The following PHACTR2 variants were observed in gnomAD, a reference collection of about 807,000 sequenced individuals.
PHACTR2 encodes phosphatase and actin regulator 2, also known as chromosome 6 open reading frame 56.
PHACTR2 carries 30 observed loss-of-function variants against 76.0 expected under a neutral mutation model. The observed-to-expected ratio is 0.39, with a 90% CI of 0.30 to 0.54. The LOEUF is 0.54. Among genes scored for constraint, PHACTR2 ranks in the 20% least tolerant of loss-of-function variants. PHACTR2 has a pLI of 0.61. For synonymous variants in PHACTR2, 292 were observed against 292.5 expected (o/e 1.00, Z 0.02); for missense variants, 696 against 781.1 (o/e 0.89, Z 1.30).
rs1777469457 is a variant in PHACTR2, at chr6:143,684,506, C to T, written c.46+6297C>T. Among the ~76,000 whole-genome samples the T allele has an allele frequency of 6.6e-6, 1 of 152,162 alleles. No individual in the cohort carries two copies. Among genetic ancestry groups the T allele is most frequent in the African/African-American group, 2.4e-5 (1 of 41,442 alleles). On this transcript the variant is annotated intron_variant, in intron 1 of 12. Coordinates refer to ENST00000440869, the MANE Select transcript of PHACTR2 (RefSeq NM_001100164.2). This position sits in a 1 kb window ranked among gnomAD's most constrained non-coding sequence, Gnocchi z 4.3. Reference sequence around the variant, plus strand: ...ACATGGACAACTATAAACTACATGTCCTAATGACATATTAGCAGTAGAGTT... The same window carrying T: ...ACATGGACAACTATAAACTACATGTTCTAATGACATATTAGCAGTAGAGTT...
intron 1 of PHACTR2, among the ~76,000 whole-genome samples, chr6:143,643,192 T>A (rs1776597165): frequency 6.6e-6 from 1 of 152,132 alleles, no homozygotes; most frequent in African/African-American, 2.4e-5. Context: ...AAATGGGTCT[T>A]TTTTTTGCAA....
intron 2 of PHACTR2, among the ~76,000 whole-genome samples, chr6:143,728,759 G>A (rs1048895941): frequency 6.6e-6 from 1 of 152,034 alleles, no homozygotes; most frequent in Non-Finnish European, 1.5e-5. Context: ...TCAATAAATG[G>A]TGCTGGAAAA....
rs1562285696 is a variant in PHACTR2, at chr6:143,731,291, T to A, written c.215-17694T>A. 6.6e-6 allele frequency among the ~76,000 whole-genome samples: 1 copy of A among 151,390 alleles called. No individual in the cohort carries two copies. Among genetic ancestry groups the A allele is most frequent in the Non-Finnish European group, 1.5e-5 (1 of 67,788 alleles). ...ATAAGTCCCACTGTGTTGTTTTGTT[T>A]TGTTTTGTTTTTTGAGACGGAGTTT... On this transcript the variant is annotated intron_variant, in intron 2 of 12. Coordinates refer to ENST00000440869, the MANE Select transcript of PHACTR2 (RefSeq NM_001100164.2). This position sits in a 1 kb window ranked among gnomAD's most constrained non-coding sequence, Gnocchi z 4.9.
rs928517756 is a variant in PHACTR2 at position 143,598,977 on chromosome 6, C to T, written c.217+61770C>T. Among the ~76,000 whole-genome samples the T allele has an allele frequency of 7.9e-5, 12 of 152,164 alleles. No individual in the cohort carries two copies. The highest frequency in any genetic ancestry group is 1.3e-4 in the Admixed American group (2 of 15,282). The stretch of plus-strand genomic sequence containing the variant: ...CTTTGTAATTAAATTTAGATAGCAT[C>T]TCACCCCTGACTCTTTTAGAACAAT... On this transcript the variant is annotated intron_variant, in intron 1 of 11. Coordinates refer to the PHACTR2 transcript ENST00000367584. The surrounding 1 kb of genome is among the most constrained non-coding windows in gnomAD (Gnocchi z 4.1).
chr6:143,650,359 CA>C (rs1394812090), intron 1 of PHACTR2, among the ~76,000 whole-genome samples: 1 of 151,998 alleles, frequency 6.6e-6, no homozygotes, highest in Non-Finnish European at 1.5e-5. Flanking sequence ...CATGTGGAAC[CA>C]AAAAAGAGCC....
intron 6 of PHACTR2, among the ~76,000 whole-genome samples, chr6:143,766,555 T>C (rs570557512): frequency 2.1e-4 from 32 of 152,256 alleles, no homozygotes; most frequent in Non-Finnish European, 4.1e-4. Context: ...ATGACCCTAT[T>C]GCTAGATTTT....
At chr6:143,812,096 C>A (rs997514610) in intron 12 of PHACTR2, among the ~76,000 whole-genome samples, 5 of 152,106 alleles carry the variant, frequency 3.3e-5, no homozygotes, top group Non-Finnish European at 5.9e-5. Context: ...AATGGGCTGA[C>A]TCCTCTTCTC....
chr6:143,627,670 C>T lies in PHACTR2; in HGVS notation c.13+19348C>T, dbSNP rs1357797139. Among the ~76,000 whole-genome samples the T allele has an allele frequency of 6.7e-6, 1 of 149,900 alleles. No individual in the cohort carries two copies. The highest frequency in any genetic ancestry group is 2.4e-5 in the African/African-American group (1 of 40,858). On this transcript the variant is annotated intron_variant, in intron 1 of 11. Transcript: ENST00000305766. This position sits in a 1 kb window ranked among gnomAD's most constrained non-coding sequence, Gnocchi z 4.3. ...AGGCTGGAATGCAGTGGCACGATCT[C>T]GGCTCACTGCAACCTCCGCCTCCCA...
rs146049231 is a variant in PHACTR2 at position 143,670,487 on chromosome 6, C to T, written c.14-41529C>T. On this transcript the variant is annotated intron_variant, in intron 1 of 11. Transcript: ENST00000305766. The stretch of plus-strand genomic sequence containing the variant: ...GTCACTTTCAGGTAGACCATTCAAA[C>T]GTAGGTTTGGTCTTTTCACATAGTC... 5.9e-3 allele frequency among the ~76,000 whole-genome samples: 902 copies of T among 152,218 alleles called. 8 individuals are homozygous for T. The highest frequency in any genetic ancestry group is 0.021 in the African/African-American group (852 of 41,532).
At chr6:143,650,744 G>A (rs2128446079) in intron 1 of PHACTR2, among the ~76,000 whole-genome samples, 1 of 152,226 alleles carries the variant, frequency 6.6e-6, no homozygotes, top group African/African-American at 2.4e-5. Context: ...AGAAAGTCTA[G>A]GCAATACCAT....
At chr6:143,628,299 A>T (rs1237681694) in intron 1 of PHACTR2, among the ~76,000 whole-genome samples, 1 of 152,238 alleles carries the variant, frequency 6.6e-6, no homozygotes, top group Non-Finnish European at 1.5e-5. Context: ...TGTTGCTGTA[A>T]CAAATTGCCA....
At chr6:143,817,467 C>T (rs1436719610) in intron 12 of PHACTR2, among the ~76,000 whole-genome samples, 1 of 152,084 alleles carries the variant, frequency 6.6e-6, no homozygotes, top group Non-Finnish European at 1.5e-5. Flanking sequence ...GCTGGTGTGC[C>T]CTGCTCAGAG....
At chr6:143,798,321 A>G (rs542090864) in intron 11 of PHACTR2, among the ~76,000 whole-genome samples, 11 of 152,344 alleles carry the variant, frequency 7.2e-5, no homozygotes, top group African/African-American at 1.7e-4. Flanking sequence ...GGTTTTCCAA[A>G]TATACAGTCA....
chr6:143,599,477 A>C lies in PHACTR2; in HGVS notation c.217+62270A>C, dbSNP rs775495138. ...AGTACTCAGTAGTGTTCTGGGAGCTACGAGGAAGACCTTGACAAGATTTCT... is the reference window on the plus strand; with the variant it reads ...AGTACTCAGTAGTGTTCTGGGAGCTCCGAGGAAGACCTTGACAAGATTTCT... On this transcript the variant is annotated intron_variant, in intron 1 of 11. Transcript: ENST00000367584. The surrounding 1 kb of genome is among the most constrained non-coding windows in gnomAD (Gnocchi z 4.6). Among the ~76,000 whole-genome samples the C allele has an allele frequency of 6.6e-6, 1 of 152,212 alleles. No homozygotes were observed. The highest frequency in any genetic ancestry group is 1.5e-5 in the Non-Finnish European group (1 of 68,032).
At chr6:143,711,943 G>A in intron 1 of PHACTR2, 73 bp from the exon 2 acceptor site, 1 of 1,296,414 alleles carries the variant, frequency 7.7e-7, no homozygotes, top group Non-Finnish European at 1.1e-6. Flanking sequence ...AACAGCCCAG[G>A]GACCAATTGA....
intron 1 of PHACTR2, among the ~76,000 whole-genome samples, chr6:143,681,059 C>T (rs1777379199): frequency 6.6e-6 from 1 of 152,132 alleles, no homozygotes; most frequent in South Asian, 2.1e-4. Flanking sequence ...AATAATGCTG[C>T]TCTGAACTTA....
In PHACTR2 at chr6:143,742,737, A is replaced by G. The variant is rs1277518730; in HGVS notation, c.215-6248A>G. Among the ~76,000 whole-genome samples, 3 of 152,148 alleles carry G rather than the reference A, an allele frequency of 2.0e-5. No homozygotes were observed. The highest frequency in any genetic ancestry group is 2.0e-4 in the Admixed American group (3 of 15,278). ...CATGCCTTTCCTCCTTCCCCCCAAA[A>G]AGACACTTAGGTCCCCAATATCTAC... is the stretch of plus-strand genomic sequence containing the variant. On this transcript the variant is annotated intron_variant, in intron 2 of 12. Coordinates refer to ENST00000440869, the MANE Select transcript of PHACTR2 (RefSeq NM_001100164.2). The surrounding 1 kb of genome is among the most constrained non-coding windows in gnomAD (Gnocchi z 4.5).
rs1422676673 is a variant in PHACTR2, at chr6:143,739,127, C to T, written c.215-9858C>T. Reference sequence around the variant, plus strand: ...GTCCCGAGGCTGGAGTGCAGTGGCACGGTTTTGGCTCACTGCAAGCTCCGC... The same window carrying T: ...GTCCCGAGGCTGGAGTGCAGTGGCATGGTTTTGGCTCACTGCAAGCTCCGC... On this transcript the variant is annotated intron_variant, in intron 2 of 12. Coordinates refer to ENST00000440869, the MANE Select transcript of PHACTR2 (RefSeq NM_001100164.2). The surrounding 1 kb of genome is among the most constrained non-coding windows in gnomAD (Gnocchi z 4.3). Among the ~76,000 whole-genome samples, 4 of 152,180 alleles carry T rather than the reference C, an allele frequency of 2.6e-5. No homozygotes were observed. The highest frequency in any genetic ancestry group is 5.9e-5 in the Non-Finnish European group (4 of 68,032).
In PHACTR2 at chr6:143,765,393, A is replaced by C. The variant is rs752736420; in HGVS notation, c.827A>C (p.Lys276Thr). Reference protein sequence around the residue: ...SSKAGTVGTTKGKRKTDKQPI... With the variant: ...SSKAGTVGTTTGKRKTDKQPI... ...AAAGCAGGGACAGTGGGGACCACCA[A>C]GGGCAAGAGAAAAACTGACAAGCAG... Residue 276 changes from lysine to threonine, a missense_variant, in exon 6 of 13, where the codon AAG becomes ACG. Physicochemically the swap from Lys to Thr is moderately conservative, Grantham distance 78. Coordinates refer to ENST00000440869, the MANE Select transcript of PHACTR2 (RefSeq NM_001100164.2). This position sits in a 1 kb window ranked among gnomAD's most constrained non-coding sequence, Gnocchi z 4.1. 12 of 1,614,122 alleles carry C rather than the reference A, an allele frequency of 7.4e-6. No individual in the cohort carries two copies. The South Asian group carries it at 1.3e-4, about 18-fold the overall frequency.
Sources: gnomAD v4.1 joint callset for allele counts (sites outside exome capture counted in the v4.1 genomes callset) on GRCh38, gnomAD v4.1.1 for gene constraint, Gnocchi (gnomAD v3.1) non-coding constraint, MANE v1.5 for transcripts, NCBI Gene and HGNC (gene_info 2026-07-23, HGNC 2026-07-21) for gene names.